The following IL19 variants were observed in gnomAD, a reference collection of about 807,000 sequenced individuals.
IL19 encodes interleukin 19, also known as interleukin-19.
In IL19, 15 loss-of-function variants were observed where a neutral mutation model predicts 19.5. The ratio of observed to expected loss-of-function variants is 0.77; its 90% CI spans 0.52 to 1.19. The LOEUF is 1.19. IL19 is among the 50% of genes most tolerant of loss of function. The pLI, the probability that IL19 is intolerant of heterozygous loss-of-function variation, is 0.00. For missense variants in IL19, 199 were observed against 213.1 expected, an observed-to-expected ratio of 0.93 and a Z score of 0.41; for synonymous variants, 78 against 78.3, an observed-to-expected ratio of 1.00 and a Z score of 0.02.
At chr1:206,773,346 C>A (rs1674909542) in intron 1 of IL19, among the ~76,000 whole-genome samples, 1 of 152,218 alleles carries the variant, frequency 6.6e-6, no homozygotes, top group Non-Finnish European at 1.5e-5. Flanking sequence ...TTTCCTCACC[C>A]TACTGTACAC....
intron 1 of IL19, among the ~76,000 whole-genome samples, 145 bp from the exon 2 acceptor site, chr1:206,798,716 A>G (rs1442963781): frequency 2.0e-5 from 3 of 151,398 alleles, no homozygotes; most frequent in African/African-American, 7.3e-5. Flanking sequence ...GCCTTGACTG[A>G]GGGTGTGATT....
Position 206,839,913 on chromosome 1 carries a change from G to A in IL19, c.274G>A (p.Asp92Asn), listed in dbSNP as rs776831843. The change falls in exon 5 of 7, where the codon GAT becomes AAT. Residue 92 changes from aspartate to asparagine, a missense_variant. Physicochemically the swap from Asp to Asn is conservative, Grantham distance 23. Transcript: ENST00000659997. ...GTTCTACGTGGACAGGGTGTTCAAG[G>A]ATCATCAGGAGCCAAACCCCAAAAT... is the stretch of plus-strand genomic sequence containing the variant. ...LAFYVDRVFK[D>N]HQEPNPKILR... 4.3e-6 allele frequency: 7 copies of A among 1,613,940 alleles called. No individual in the cohort carries two copies. The Admixed American group carries it at 6.7e-5, about 15-fold the overall frequency.
intron 2 of IL19, among the ~76,000 whole-genome samples, chr1:206,801,891 T>C (rs1215683307): frequency 1.3e-5 from 2 of 152,196 alleles, no homozygotes; most frequent in Non-Finnish European, 2.9e-5. Context: ...GTATCTTGAC[T>C]GTTGGGATTG....
rs967513392 is a variant in IL19 at position 206,810,903 on chromosome 1, G to A, written c.-3+11897G>A. Among the ~76,000 whole-genome samples the A allele has an allele frequency of 5.9e-5, 9 of 152,204 alleles. No individual in the cohort carries two copies. In the South Asian group the frequency reaches 8.3e-4, roughly 14 times the overall value. On this transcript the variant is annotated intron_variant, in intron 2 of 6. Transcript: ENST00000659997. ...GAGAGCTAGTTGTTTAAAAGAGCAT[G>A]GCATCTCTCTTGCTTCCTATCTCAC...
At chr1:206,834,524 C>A in intron 2 of IL19, 1 of 816,830 alleles carries the variant, frequency 1.2e-6, no homozygotes, top group Non-Finnish European at 1.5e-6. Flanking sequence ...AGATGCTGGG[C>A]ATTTGGTAGA....
chr1:206,835,018 A>T (rs1676737301), intron 2 of IL19, among the ~76,000 whole-genome samples: 1 of 152,240 alleles, frequency 6.6e-6, no homozygotes, highest in Non-Finnish European at 1.5e-5. Context: ...TTCTTGGGAC[A>T]GTGCCCAATG....
chr1:206,834,352 G>C, intron 2 of IL19: 1 of 985,646 alleles, frequency 1.0e-6, no homozygotes, highest in Non-Finnish European at 1.2e-6. Flanking sequence ...AAATGGCAGA[G>C]AGCACTGAGA....
intron 2 of IL19, chr1:206,834,176 A>G (rs760821752): frequency 1.3e-4 from 128 of 985,366 alleles, no homozygotes; most frequent in Admixed American, 3.1e-4. Context: ...GAGGCATTTC[A>G]TAATAATGAT....
At chr1:206,771,403 G>T in intron 1 of IL19, 1 of 1,611,074 alleles carries the variant, frequency 6.2e-7, no homozygotes, top group Non-Finnish European at 8.5e-7. Flanking sequence ...TTGTCCAGCT[G>T]ATCCTTCATT....
At position 206,840,965 on chromosome 1, in the gene IL19, A is replaced by G. The variant is rs2243186; in HGVS notation, c.364-39A>G. On this transcript the variant is annotated intron_variant, in intron 5 of 6. Coordinates refer to ENST00000659997, the MANE Select transcript of IL19 (RefSeq NM_153758.5). Reference sequence around the variant, plus strand: ...CAGGAGTAAGAGAGGGCCAGAGTGGAAATGTCCTCTGATAGGAGCTTCCTC... The same window carrying G: ...CAGGAGTAAGAGAGGGCCAGAGTGGGAATGTCCTCTGATAGGAGCTTCCTC... 2,711 of 1,559,972 alleles carry G rather than the reference A, an allele frequency of 1.7e-3. 32 individuals are homozygous for G. The African/African-American group carries it at 0.028, about 16-fold the overall frequency.
At chr1:206,777,092 G>A (rs372203329) in intron 1 of IL19, among the ~76,000 whole-genome samples, 16 of 151,764 alleles carry the variant, frequency 1.1e-4, no homozygotes, top group South Asian at 1.0e-3. Context: ...TTAGCTGGGC[G>A]TGGTGGCAGG....
intron 2 of IL19, among the ~76,000 whole-genome samples, chr1:206,823,197 T>C (rs1330525755): frequency 6.6e-6 from 1 of 152,054 alleles, no homozygotes; most frequent in African/African-American, 2.4e-5. Flanking sequence ...CCCAAAGTGC[T>C]GGGAGGCATA....
At chr1:206,833,406 A>G (rs1355395941) in intron 2 of IL19, among the ~76,000 whole-genome samples, 2 of 152,270 alleles carry the variant, frequency 1.3e-5, no homozygotes, top group Non-Finnish European at 2.9e-5. Context: ...TCAGAAGGTT[A>G]GATAAACAGT....
At chr1:206,842,413 C>T (rs899404950) in intron 6 of IL19, 114 bp from the exon 7 acceptor site, 3 of 654,074 alleles carry the variant, frequency 4.6e-6, no homozygotes, top group East Asian at 2.8e-5. Context: ...TATTTCGTGA[C>T]AAAAAAACAA....
intron 2 of IL19, among the ~76,000 whole-genome samples, chr1:206,819,976 T>G (rs1676252263): frequency 6.6e-6 from 1 of 152,198 alleles, no homozygotes; most frequent in Non-Finnish European, 1.5e-5. Flanking sequence ...GTCTCATATC[T>G]CCTGTGACTG....
At chr1:206,802,744 G>C (rs974703598) in intron 2 of IL19, among the ~76,000 whole-genome samples, 1 of 151,294 alleles carries the variant, frequency 6.6e-6, no homozygotes, top group Non-Finnish European at 1.5e-5. Context: ...TCCCTTCCCT[G>C]TATAGTTCTG....
At chr1:206,828,754 A>G (rs1024317975) in intron 2 of IL19, 16 of 152,116 alleles carry the variant, frequency 1.1e-4, no homozygotes, top group African/African-American at 2.9e-4. Context: ...GTTAGCTTTT[A>G]TGATTTGTAA....
intron 4 of IL19, among the ~76,000 whole-genome samples, chr1:206,837,320 G>A (rs1383494829): frequency 6.6e-6 from 1 of 152,064 alleles, no homozygotes; most frequent in African/African-American, 2.4e-5. Flanking sequence ...CATGGAGGTA[G>A]CTAAGAAAAC....
intron 2 of IL19, among the ~76,000 whole-genome samples, chr1:206,828,187 G>A (rs1443773400): frequency 5.1e-4 from 1 of 1,958 alleles, no homozygotes; most frequent in East Asian, 0.01. Context: ...GGCTATATAG[G>A]ACATCTCCCA....
Sources: allele counts gnomAD v4.1 joint callset (sites outside exome capture counted in the v4.1 genomes callset), GRCh38; gene constraint gnomAD v4.1.1; transcripts MANE v1.5; gene names NCBI Gene and HGNC (gene_info 2026-07-23, HGNC 2026-07-21).